AKAP19: variants seen among roughly 807,000 people sequenced by gnomAD.
AKAP19 encodes small A-kinase anchoring protein.
chr2:189,889,715 T>C, the AKAP19 span, among the ~76,000 whole-genome samples: 1 of 152,240 alleles, frequency 6.6e-6, no homozygotes, highest in Non-Finnish European at 1.5e-5. Flanking sequence ...TTTATTTGCA[T>C]AGAGTTGTTT....
At chr2:190,045,579 G>T in the AKAP19 span, among the ~76,000 whole-genome samples, 1 of 152,156 alleles carries the variant, frequency 6.6e-6, no homozygotes, top group African/African-American at 2.4e-5. Flanking sequence ...AATCCTGAAG[G>T]CTGGAATGGC....
chr2:190,074,521 C>G, the AKAP19 span, among the ~76,000 whole-genome samples: 3 of 151,908 alleles, frequency 2.0e-5, no homozygotes, highest in Non-Finnish European at 4.4e-5. Flanking sequence ...CGTGGTGGCG[C>G]GTGCCTCTAG....
chr2:189,892,831 A>C, the AKAP19 span, among the ~76,000 whole-genome samples: 1 of 152,214 alleles, frequency 6.6e-6, no homozygotes, highest in African/African-American at 2.4e-5. Flanking sequence ...AGCTGCACCC[A>C]GAGTCACCCC....
chr2:190,185,900 A>C, the AKAP19 span, among the ~76,000 whole-genome samples: 26 of 152,238 alleles, frequency 1.7e-4, no homozygotes, highest in Admixed American at 3.9e-4. Context: ...GAAATAACAC[A>C]GAACATGTTC....
chr2:190,133,756 T>A, the AKAP19 span, among the ~76,000 whole-genome samples: 1 of 152,190 alleles, frequency 6.6e-6, no homozygotes, highest in African/African-American at 2.4e-5. Context: ...AAAAACTACA[T>A]GATCTCACTT....
At chr2:189,965,646 A>T in the AKAP19 span, among the ~76,000 whole-genome samples, 4 of 152,056 alleles carry the variant, frequency 2.6e-5, no homozygotes, top group South Asian at 2.1e-4. Flanking sequence ...AATAAAAAAA[A>T]AAATAGATGT....
the AKAP19 span, chr2:190,199,950 A>AGAAGAGAGATGT: frequency 1.9e-6 from 3 of 1,614,158 alleles, no homozygotes; most frequent in Non-Finnish European, 1.7e-6. Context: ...CCTTTATGCC[A>AGAAGAGAGATGT]GAAGAGAGAT....
the AKAP19 span, among the ~76,000 whole-genome samples, chr2:189,897,787 A>G: frequency 6.6e-6 from 1 of 152,232 alleles, no homozygotes; most frequent in Non-Finnish European, 1.5e-5. Flanking sequence ...TTTGTTTTGA[A>G]TAAACAAATA....
chr2:189,889,559 G>A, the AKAP19 span, among the ~76,000 whole-genome samples: 1 of 152,106 alleles, frequency 6.6e-6, no homozygotes, highest in Non-Finnish European at 1.5e-5. Flanking sequence ...GTCTGGTCCT[G>A]GGCTTTTTTT....
chr2:190,065,011 T>G, the AKAP19 span, among the ~76,000 whole-genome samples: 2 of 152,140 alleles, frequency 1.3e-5, no homozygotes, highest in African/African-American at 2.4e-5. Context: ...GCAAAAAATT[T>G]GAGTCCTATC....
chr2:190,201,483 T>C, the AKAP19 span: 6 of 167,018 alleles, frequency 3.6e-5, no homozygotes, highest in East Asian at 3.8e-4. Context: ...CAATACACCA[T>C]TGGTATTGAA....
At chr2:190,191,681 T>C in the AKAP19 span, among the ~76,000 whole-genome samples, 1 of 152,224 alleles carries the variant, frequency 6.6e-6, no homozygotes, top group Non-Finnish European at 1.5e-5. Flanking sequence ...AGTGGTTTCT[T>C]ATCATGGCTG....
the AKAP19 span, chr2:190,199,633 C>T: frequency 9.9e-7 from 1 of 1,009,636 alleles, no homozygotes; most frequent in Non-Finnish European, 1.3e-6. Flanking sequence ...TTTTTACATG[C>T]CACTCAATCA....
the AKAP19 span, chr2:189,924,074 T>C: frequency 6.5e-7 from 1 of 1,533,858 alleles, no homozygotes; most frequent in Non-Finnish European, 9.0e-7. Flanking sequence ...TGCAGATGAC[T>C]CTGCTGAGGA....
At chr2:189,965,684 C>T in the AKAP19 span, among the ~76,000 whole-genome samples, 582 of 151,870 alleles carry the variant, frequency 3.8e-3, 10 homozygotes, top group African/African-American at 0.013. Flanking sequence ...AAAGTGAACA[C>T]TTCTACACTG....
chr2:190,163,891 C>A, the AKAP19 span: 14,206 of 152,082 alleles, frequency 0.093, 725 homozygotes, highest in Middle Eastern at 0.14. Context: ...AGTTTTTAAA[C>A]CAGTTATTTT....
At chr2:190,117,096 G>T in the AKAP19 span, among the ~76,000 whole-genome samples, 1 of 152,196 alleles carries the variant, frequency 6.6e-6, no homozygotes, top group Non-Finnish European at 1.5e-5. Flanking sequence ...GGCTAATACA[G>T]ATCTTTTCTC....
At chr2:190,150,612 C>T in the AKAP19 span, among the ~76,000 whole-genome samples, 2 of 152,058 alleles carry the variant, frequency 1.3e-5, no homozygotes, top group Non-Finnish European at 2.9e-5. Context: ...GTGTGTGGGC[C>T]CTCTCAGGAT....
At chr2:190,182,010 A>C in the AKAP19 span, among the ~76,000 whole-genome samples, 3 of 152,214 alleles carry the variant, frequency 2.0e-5, no homozygotes, top group East Asian at 5.8e-4. Context: ...CATTAAACAA[A>C]AATTATAATC....
Sources: allele counts gnomAD v4.1 joint callset (sites outside exome capture counted in the v4.1 genomes callset), GRCh38; gene constraint gnomAD v4.1.1; transcripts MANE v1.5; gene names NCBI Gene and HGNC (gene_info 2026-07-23, HGNC 2026-07-21).